FGD4: variants seen among roughly 807,000 people sequenced by gnomAD.
The protein encoded by FGD4 is FYVE, RhoGEF and PH domain containing 4.
A neutral mutation model predicts 102.0 loss-of-function variants in FGD4; 42 were observed. The ratio of observed to expected loss-of-function variants is 0.41; its 90% CI spans 0.32 to 0.53. The LOEUF (loss-of-function observed/expected upper bound fraction) is 0.53, where lower values mean the gene tolerates loss of function less well. Among genes scored for constraint, FGD4 ranks in the 20% least tolerant of loss-of-function variants. The pLI is 0.21. For synonymous variants in FGD4, 380 were observed against 375.7 expected (o/e 1.01, Z -0.13); for missense variants, 902 against 1,078.2 (o/e 0.84, Z 2.29).
At chr12:32,598,999 G>GTC (rs963591509) in intron 5 of FGD4, among the ~76,000 whole-genome samples, 11 of 151,950 alleles carry the variant, frequency 7.2e-5, no homozygotes, top group Non-Finnish European at 1.5e-4. Flanking sequence ...ATCTGAGCTG[G>GTC]TGTAGTCATA....
At chr12:32,524,972 T>G (rs929133104) in intron 1 of FGD4, among the ~76,000 whole-genome samples, 2 of 152,238 alleles carry the variant, frequency 1.3e-5, no homozygotes, top group Non-Finnish European at 2.9e-5. Flanking sequence ...ATGCATATAC[T>G]AAGTTGTGTG....
chr12:32,560,710 A>T (rs1402062394), intron 1 of FGD4, among the ~76,000 whole-genome samples: 2 of 151,496 alleles, frequency 1.3e-5, no homozygotes, highest in Non-Finnish European at 2.9e-5. Context: ...CTTTTCTCAG[A>T]GTTGCAAGGT....
chr12:32,428,643 A>T (rs1002343106), intron 1 of FGD4, among the ~76,000 whole-genome samples: 1 of 152,102 alleles, frequency 6.6e-6, no homozygotes, highest in Non-Finnish European at 1.5e-5. Flanking sequence ...CTCCTGGATA[A>T]TATCCTGAAG....
In FGD4 at chr12:32,602,209, C is replaced by T. The variant is rs151083690; in HGVS notation, c.1296C>T (p.Phe432=). ...ACATCCTTCAGAAATTGGCACCATT[C>T]CTTAAGATGTATGGAGAATATGTGA... ...IGDILQKLAP[F]LKMYGEYVKG... Residue 432 remains phenylalanine, a synonymous_variant, in exon 7 of 17, where the codon TTC becomes TTT. Coordinates refer to ENST00000534526, the MANE Select transcript of FGD4 (RefSeq NM_001370298.3). The T allele has an allele frequency of 3.8e-4, 610 of 1,614,020 alleles. 3 individuals are homozygous for T. The African/African-American group carries it at 7.3e-3, about 19-fold the overall frequency.
chr12:32,495,424 C>T (rs10771960), intron 1 of FGD4, among the ~76,000 whole-genome samples: 47,241 of 151,938 alleles, frequency 0.31, 7,540 homozygotes, highest in Middle Eastern at 0.46. Context: ...GGGCTGGGCA[C>T]GGTGGCTCAC....
At chr12:32,530,956 T>TTTTG (rs1436009548) in intron 1 of FGD4, among the ~76,000 whole-genome samples, 14 of 131,756 alleles carry the variant, frequency 1.1e-4, no homozygotes, top group African/African-American at 3.6e-4. Flanking sequence ...TTTTTTTTTT[T>TTTTG]TTTTTTTTTT....
chr12:32,598,404 GTT>G, intron 4 of FGD4, 91 bp from the exon 5 acceptor site: 3 of 889,638 alleles, frequency 3.4e-6, no homozygotes, highest in Non-Finnish European at 5.3e-6. Flanking sequence ...TGAGAAAACT[GTT>G]TTGATCAAAT....
At chr12:32,563,843 G>A (rs869250802) in intron 1 of FGD4, among the ~76,000 whole-genome samples, 1 of 152,152 alleles carries the variant, frequency 6.6e-6, no homozygotes. Flanking sequence ...CACCAAAAAA[G>A]TACGAAAACC....
At chr12:32,486,476 G>A (rs930268065) in intron 1 of FGD4, among the ~76,000 whole-genome samples, 2 of 152,162 alleles carry the variant, frequency 1.3e-5, no homozygotes, top group African/African-American at 4.8e-5. Context: ...GTTGACCCTT[G>A]TCATCTCAGT....
chr12:32,525,696 G>C (rs1941077526), intron 1 of FGD4, among the ~76,000 whole-genome samples: 1 of 152,238 alleles, frequency 6.6e-6, no homozygotes, highest in Non-Finnish European at 1.5e-5. Flanking sequence ...CGGGAACCGG[G>C]GCTGCGTGTG....
intron 1 of FGD4, among the ~76,000 whole-genome samples, chr12:32,414,793 A>T (rs576920144): frequency 6.6e-6 from 1 of 152,090 alleles, no homozygotes; most frequent in Non-Finnish European, 1.5e-5. Flanking sequence ...AAATGTATTT[A>T]TTTCTGCTCT....
At chr12:32,561,591 T>C (rs1372748198) in intron 1 of FGD4, among the ~76,000 whole-genome samples, 1 of 152,212 alleles carries the variant, frequency 6.6e-6, no homozygotes, top group East Asian at 1.9e-4. Flanking sequence ...AAATGATAAT[T>C]CCTTAAATTG....
At chr12:32,539,114 T>C (rs1942576747) in intron 1 of FGD4, among the ~76,000 whole-genome samples, 1 of 152,196 alleles carries the variant, frequency 6.6e-6, no homozygotes, top group Admixed American at 6.5e-5. Flanking sequence ...ATATTAATGA[T>C]ATACTTGCCC....
At position 32,598,444 on chromosome 12, in the gene FGD4, A is replaced by T. The variant is rs1036038538; in HGVS notation, c.1012-53A>T. Reference sequence around the variant, plus strand: ...TTTGAAGAAGCGTTTTTTACTTTAGAAATATTGTCCAAGGTATCTTTCCTA... The same window carrying T: ...TTTGAAGAAGCGTTTTTTACTTTAGTAATATTGTCCAAGGTATCTTTCCTA... On this transcript the variant is annotated intron_variant, in intron 4 of 16. Coordinates refer to ENST00000534526, the MANE Select transcript of FGD4 (RefSeq NM_001370298.3). 3.6e-5 allele frequency: 45 copies of T among 1,266,342 alleles called. No individual in the cohort carries two copies. In the Admixed American group the frequency reaches 9.3e-4, roughly 26 times the overall value. The allele number at this position is 1,266,342 out of a possible 1,614,324, so 78.4% of individuals were successfully genotyped here.
At chr12:32,511,603 G>T (rs2136677263) in intron 1 of FGD4, among the ~76,000 whole-genome samples, 1 of 152,074 alleles carries the variant, frequency 6.6e-6, no homozygotes, top group Admixed American at 6.5e-5. Flanking sequence ...CGCCCGGCCT[G>T]ATTGGTGTGA....
intron 14 of FGD4, among the ~76,000 whole-genome samples, chr12:32,628,378 A>C (rs895531611): frequency 6.6e-6 from 1 of 152,060 alleles, no homozygotes; most frequent in Non-Finnish European, 1.5e-5. Flanking sequence ...AGTGGGAAAA[A>C]AAAAAGCCTC....
intron 3 of FGD4, chr12:32,579,622 A>C (rs1004227757): frequency 3.9e-5 from 6 of 152,228 alleles, no homozygotes; most frequent in African/African-American, 1.4e-4. Context: ...TCTTTCCACC[A>C]GGGAATCCAG....
chr12:32,602,458 C>A, intron 7 of FGD4, 141 bp downstream of exon 7: 1 of 906,116 alleles, frequency 1.1e-6, no homozygotes, highest in Non-Finnish European at 1.7e-6. Context: ...TGCAGATCAT[C>A]TCTGCAATGC....
chr12:32,443,824 A>G (rs574138120), intron 1 of FGD4, among the ~76,000 whole-genome samples: 2 of 151,674 alleles, frequency 1.3e-5, no homozygotes, highest in South Asian at 4.2e-4. Context: ...CTTCAAGTTC[A>G]GTGTTTTGTA....
Sources: allele counts gnomAD v4.1 joint callset (sites outside exome capture counted in the v4.1 genomes callset), GRCh38; gene constraint gnomAD v4.1.1; transcripts MANE v1.5; gene names NCBI Gene and HGNC (gene_info 2026-07-23, HGNC 2026-07-21).